The following SEMA3A variants were observed in gnomAD, a reference collection of about 807,000 sequenced individuals.
SEMA3A encodes the protein semaphorin-3A.
A neutral mutation model predicts 97.9 loss-of-function variants in SEMA3A; 29 were observed. That is an observed-to-expected ratio of 0.30 (90% CI 0.22 to 0.40). SEMA3A has a LOEUF of 0.40. SEMA3A is among the 10% of genes least tolerant of loss of function. The probability of loss-of-function intolerance (pLI) is 1.00; values close to 1 mark genes in which losing one functional copy is unlikely to be tolerated. For synonymous variants in SEMA3A, 321 were observed against 323.7 expected (o/e 0.99, Z 0.09); for missense variants, 763 against 951.3 (o/e 0.80, Z 2.60).
intron 1 of SEMA3A, among the ~76,000 whole-genome samples, chr7:84,477,945 A>AT (rs1388136647): frequency 5.3e-5 from 8 of 152,198 alleles, no homozygotes; most frequent in African/African-American, 1.7e-4. Flanking sequence ...AGTCACCCTC[A>AT]TTATCACCTT....
Position 83,977,158 on chromosome 7 carries a change from A to C in SEMA3A, c.1691T>G (p.Leu564Arg), listed in dbSNP as rs779445145. 1.3e-6 allele frequency: 2 copies of C among 1,592,078 alleles called. No individual in the cohort carries two copies. The highest frequency in any genetic ancestry group is 1.7e-4 in the Middle Eastern group (1 of 5,980). ...RRQDIRNGDP[L>R]THCSDLHHDN... ...ATGGTGTAAGTCTGAACAGTGAGTCAGTGGGTCTCCATTTCTTATATCTTG... is the reference window on the plus strand; with the variant it reads ...ATGGTGTAAGTCTGAACAGTGAGTCCGTGGGTCTCCATTTCTTATATCTTG... Residue 564 changes from leucine to arginine, a missense_variant, in exon 15 of 17, where the codon CTG (leucine) becomes CGG (arginine). By Grantham distance (102) the Leu-to-Arg change is moderately radical (BLOSUM62 -2). Transcript: ENST00000265362.
intron 1 of SEMA3A, among the ~76,000 whole-genome samples, chr7:84,395,326 T>C (rs2116189186): frequency 6.6e-6 from 1 of 150,638 alleles, no homozygotes; most frequent in East Asian, 2.0e-4. Flanking sequence ...TTCAGAATTC[T>C]TATGCATAGA....
At chr7:84,245,054 C>T (rs10272145) in intron 3 of SEMA3A, among the ~76,000 whole-genome samples, 7,935 of 152,126 alleles carry the variant, frequency 0.052, 217 homozygotes, top group African/African-American at 0.077. Flanking sequence ...GTGAATCTGA[C>T]GATTATGTGT....
chr7:83,985,862 G>T (rs1789612882), intron 12 of SEMA3A, among the ~76,000 whole-genome samples: 1 of 152,046 alleles, frequency 6.6e-6, no homozygotes, highest in African/African-American at 2.4e-5. Context: ...CATTGGATGT[G>T]GTCAAAAAGC....
chr7:84,040,113 G>C lies in SEMA3A; in HGVS notation c.667+6211C>G, dbSNP rs141413020. Among the ~76,000 whole-genome samples, 222 of 151,910 alleles carry C rather than the reference G, an allele frequency of 1.5e-3. 2 individuals carry two copies. In the East Asian group the frequency reaches 0.016, roughly 11 times the overall value. Reference sequence around the variant, plus strand: ...GTCATTAATATCTTCCACTGTGAAAGTTCCTGAAATCTTCTATTCTGAAAG... The same window carrying C: ...GTCATTAATATCTTCCACTGTGAAACTTCCTGAAATCTTCTATTCTGAAAG... On this transcript the variant is annotated intron_variant, in intron 6 of 16. Transcript: ENST00000265362.
intron 1 of SEMA3A, among the ~76,000 whole-genome samples, chr7:84,473,046 A>G (rs1250449134): frequency 6.6e-6 from 1 of 152,058 alleles, no homozygotes; most frequent in African/African-American, 2.4e-5. Context: ...CTAAATCTAG[A>G]TAAGAAACTC....
At chr7:84,212,908 A>G (rs898412388) in intron 3 of SEMA3A, among the ~76,000 whole-genome samples, 1 of 152,206 alleles carries the variant, frequency 6.6e-6, no homozygotes, top group South Asian at 2.1e-4. Context: ...AGCAATAAAA[A>G]TATTAGTAAT....
At chr7:84,214,596 T>C (rs1370521630) in intron 3 of SEMA3A, among the ~76,000 whole-genome samples, 1 of 152,062 alleles carries the variant, frequency 6.6e-6, no homozygotes, top group Admixed American at 6.6e-5. Context: ...AGCCCTAAGC[T>C]CTGCATTCTT....
intron 15 of SEMA3A, among the ~76,000 whole-genome samples, chr7:83,974,600 C>T (rs1363910236): frequency 6.6e-6 from 1 of 152,140 alleles, no homozygotes; most frequent in Non-Finnish European, 1.5e-5. Flanking sequence ...TTTAGTAAGG[C>T]TGGGCTCCGG....
At chr7:84,266,780 A>G (rs1190140917) in intron 3 of SEMA3A, among the ~76,000 whole-genome samples, 2 of 152,144 alleles carry the variant, frequency 1.3e-5, no homozygotes, top group African/African-American at 4.8e-5. Context: ...AATATTATGC[A>G]CAAGAGCTTA....
intron 1 of SEMA3A, among the ~76,000 whole-genome samples, chr7:84,448,185 G>A (rs902060416): frequency 3.3e-5 from 5 of 152,184 alleles, no homozygotes; most frequent in Non-Finnish European, 7.3e-5. Flanking sequence ...GAGCCCAGCA[G>A]GCATGAGCAA....
At chr7:84,219,149 T>C (rs931270450) in intron 3 of SEMA3A, among the ~76,000 whole-genome samples, 2 of 152,208 alleles carry the variant, frequency 1.3e-5, no homozygotes, top group South Asian at 2.1e-4. Flanking sequence ...AAAAAAATCA[T>C]CTTCAATAAA....
chr7:84,444,348 C>A (rs998302786), intron 1 of SEMA3A, among the ~76,000 whole-genome samples: 2 of 151,888 alleles, frequency 1.3e-5, no homozygotes, highest in African/African-American at 4.8e-5. Context: ...AATGTGTCAC[C>A]CATTGAGTGA....
chr7:83,972,674 T>C (rs3801586), intron 15 of SEMA3A, among the ~76,000 whole-genome samples: 3,967 of 152,192 alleles, frequency 0.026, 165 homozygotes, highest in East Asian at 0.19. Flanking sequence ...TTATAACTTT[T>C]GGAATAAAAA....
At chr7:84,258,203 G>C (rs968300097) in intron 3 of SEMA3A, among the ~76,000 whole-genome samples, 6 of 152,038 alleles carry the variant, frequency 3.9e-5, no homozygotes, top group Non-Finnish European at 8.8e-5. Context: ...TTCTTTTTGG[G>C]GGTCAACGGG....
At chr7:84,366,184 C>G (rs1447746129) in intron 2 of SEMA3A, among the ~76,000 whole-genome samples, 1 of 151,226 alleles carries the variant, frequency 6.6e-6, no homozygotes, top group Non-Finnish European at 1.5e-5. Flanking sequence ...CACTTTACCC[C>G]CTCTGATTTA....
At chr7:84,105,164 C>G (rs1370254996) in intron 4 of SEMA3A, among the ~76,000 whole-genome samples, 2 of 152,128 alleles carry the variant, frequency 1.3e-5, no homozygotes, top group Admixed American at 6.5e-5. Context: ...TTATTGTTTT[C>G]CCAAGATATC....
chr7:84,202,512 A>T (rs1012305665), intron 3 of SEMA3A, among the ~76,000 whole-genome samples: 1 of 152,188 alleles, frequency 6.6e-6, no homozygotes, highest in Non-Finnish European at 1.5e-5. Flanking sequence ...AAATTGAACA[A>T]ACCAAGTTAA....
At chr7:84,260,323 G>A (rs779677639) in intron 3 of SEMA3A, among the ~76,000 whole-genome samples, 4 of 152,170 alleles carry the variant, frequency 2.6e-5, no homozygotes, top group Non-Finnish European at 5.9e-5. Flanking sequence ...CCATTGCAAG[G>A]ATGCCAGCTG....
Sources: gnomAD v4.1 joint callset for allele counts (sites outside exome capture counted in the v4.1 genomes callset) on GRCh38, gnomAD v4.1.1 for gene constraint, MANE v1.5 for transcripts, NCBI Gene and HGNC (gene_info 2026-07-23, HGNC 2026-07-21) for gene names.